KCNQ5: variants seen among roughly 807,000 people sequenced by gnomAD.
KCNQ5 encodes potassium voltage-gated channel subfamily Q member 5.
KCNQ5 carries 30 observed loss-of-function variants against 98.2 expected under a neutral mutation model. The observed-to-expected ratio is 0.31, with a 90% CI of 0.23 to 0.41. The LOEUF (loss-of-function observed/expected upper bound fraction) is 0.41, where lower values mean the gene tolerates loss of function less well. Ranked by LOEUF, KCNQ5 falls within the 10% of genes least tolerant of loss-of-function variation. The pLI, the probability that KCNQ5 is intolerant of heterozygous loss-of-function variation, is 1.00. For missense variants in KCNQ5, 835 were observed against 1,182.5 expected (o/e 0.71, Z 4.31); for synonymous variants, 458 against 449.4 (o/e 1.02, Z -0.24).
At chr6:72,715,593 G>A (rs903478265) in intron 1 of KCNQ5, among the ~76,000 whole-genome samples, 4 of 152,136 alleles carry the variant, frequency 2.6e-5, no homozygotes, top group Admixed American at 2.0e-4. Flanking sequence ...CATAAATAGT[G>A]AGCCTCCTTG....
chr6:73,152,971 T>C (rs35291526), intron 10 of KCNQ5, among the ~76,000 whole-genome samples: 15,307 of 152,202 alleles, frequency 0.1, 822 homozygotes, highest in African/African-American at 0.13. Context: ...CCTTTGACTG[T>C]GTTGGATGTA....
intron 1 of KCNQ5, among the ~76,000 whole-genome samples, chr6:72,731,839 C>CA (rs990729879): frequency 6.6e-6 from 1 of 152,034 alleles, no homozygotes; most frequent in African/African-American, 2.4e-5. Context: ...AACAAACCTT[C>CA]AAAAAATTAT....
intron 2 of KCNQ5, among the ~76,000 whole-genome samples, chr6:73,040,024 C>T (rs1771618357): frequency 7.0e-6 from 1 of 142,176 alleles, no homozygotes; most frequent in African/African-American, 2.9e-5. Flanking sequence ...CCCTCACCTT[C>T]TTAAAAAAAA....
intron 1 of KCNQ5, among the ~76,000 whole-genome samples, chr6:72,883,211 C>T (rs1562044855): frequency 6.6e-6 from 1 of 152,136 alleles, no homozygotes; most frequent in Admixed American, 6.6e-5. Context: ...TGTTTAACAA[C>T]GTGATTTTCC....
chr6:72,639,655 G>T (rs530391732), intron 1 of KCNQ5, among the ~76,000 whole-genome samples: 18 of 152,204 alleles, frequency 1.2e-4, no homozygotes, highest in Non-Finnish European at 2.1e-4. Context: ...GTCTCTAAGA[G>T]AGATGCTGAT....
At chr6:73,132,920 G>C (rs1184383837) in intron 9 of KCNQ5, among the ~76,000 whole-genome samples, 1 of 152,192 alleles carries the variant, frequency 6.6e-6, no homozygotes, top group Non-Finnish European at 1.5e-5. Context: ...GAGATTGCAT[G>C]AATTTATGGA....
intron 9 of KCNQ5, among the ~76,000 whole-genome samples, chr6:73,126,356 A>G (rs1376855550): frequency 1.3e-5 from 2 of 152,196 alleles, no homozygotes; most frequent in African/African-American, 4.8e-5. Context: ...CTCTATGGCA[A>G]TCCTGAAGGA....
At chr6:73,127,520 A>G (rs146849047) in intron 9 of KCNQ5, among the ~76,000 whole-genome samples, 1 of 152,180 alleles carries the variant, frequency 6.6e-6, no homozygotes, top group East Asian at 1.9e-4. Flanking sequence ...ACTCTCACCA[A>G]AGGACGGAGC....
intron 1 of KCNQ5, among the ~76,000 whole-genome samples, chr6:72,960,107 A>C (rs1393099949): frequency 6.6e-6 from 1 of 152,188 alleles, no homozygotes; most frequent in African/African-American, 2.4e-5. Context: ...CCTTACTGAC[A>C]TTATTATGAC....
At chr6:72,959,473 A>G (rs1447896769) in intron 1 of KCNQ5, among the ~76,000 whole-genome samples, 1 of 152,260 alleles carries the variant, frequency 6.6e-6, no homozygotes, top group Non-Finnish European at 1.5e-5. Flanking sequence ...TTGATTATCT[A>G]CAAAGACATT....
chr6:72,692,862 A>G (rs1768280400), intron 1 of KCNQ5, among the ~76,000 whole-genome samples: 1 of 152,194 alleles, frequency 6.6e-6, no homozygotes, highest in Non-Finnish European at 1.5e-5. Flanking sequence ...AAAAGTATGT[A>G]AAGACATACT....
chr6:72,923,290 T>A (rs1363520423), intron 1 of KCNQ5, among the ~76,000 whole-genome samples: 1 of 152,208 alleles, frequency 6.6e-6, no homozygotes, highest in Admixed American at 6.5e-5. Flanking sequence ...TCTAGGTTTA[T>A]TTTTTTGAGG....
intron 2 of KCNQ5, among the ~76,000 whole-genome samples, chr6:73,025,945 G>T (rs1351830104): frequency 6.6e-6 from 1 of 152,172 alleles, no homozygotes; most frequent in East Asian, 1.9e-4. Flanking sequence ...ATGAGGATAT[G>T]ATATATTTAT....
chr6:72,927,916 A>G (rs991775371), intron 1 of KCNQ5, among the ~76,000 whole-genome samples: 1 of 152,076 alleles, frequency 6.6e-6, no homozygotes, highest in African/African-American at 2.4e-5. Flanking sequence ...TTCAAGAAAC[A>G]TTGGTTCCCA....
intron 1 of KCNQ5, among the ~76,000 whole-genome samples, chr6:72,867,436 A>C (rs114625800): frequency 0.011 from 1,681 of 152,376 alleles, 24 homozygotes; most frequent in African/African-American, 0.038. Context: ...ATAAATCCAC[A>C]TTGGTGAAAC....
At chr6:72,646,798 T>A (rs186075192) in intron 1 of KCNQ5, among the ~76,000 whole-genome samples, 1 of 152,352 alleles carries the variant, frequency 6.6e-6, no homozygotes, top group African/African-American at 2.4e-5. Context: ...CAAATCACCA[T>A]CCGGCCATGT....
At chr6:72,815,501 C>A (rs55963007) in intron 1 of KCNQ5, among the ~76,000 whole-genome samples, 2,354 of 152,140 alleles carry the variant, frequency 0.015, 40 homozygotes, top group South Asian at 0.072. Context: ...ACATTGTGAG[C>A]AGTTTAGTTT....
chr6:73,055,538 C>T, intron 3 of KCNQ5: 4 of 1,484,634 alleles, frequency 2.7e-6, no homozygotes. Context: ...AAATCACCTA[C>T]CCTCCTGTGA....
chr6:73,092,627 C>A (rs528148756), intron 5 of KCNQ5, among the ~76,000 whole-genome samples: 1 of 151,982 alleles, frequency 6.6e-6, no homozygotes, highest in Non-Finnish European at 1.5e-5. Context: ...TAAAGGAATG[C>A]TAGATTTTGT....
Sources: gnomAD v4.1 joint callset for allele counts (sites outside exome capture counted in the v4.1 genomes callset) on GRCh38, gnomAD v4.1.1 for gene constraint, MANE v1.5 for transcripts, NCBI Gene and HGNC (gene_info 2026-07-23, HGNC 2026-07-21) for gene names.